The following DCC variants were observed in gnomAD, a reference collection of about 807,000 sequenced individuals.
DCC encodes DCC netrin 1 receptor, also known as netrin receptor DCC.
Under a neutral mutation model 172.5 loss-of-function variants are expected in DCC, and 58 were observed. The observed-to-expected ratio is 0.34, with a 90% CI of 0.27 to 0.42. DCC has a LOEUF of 0.42. Ranked by LOEUF, DCC falls within the 10% of genes least tolerant of loss-of-function variation. The pLI is 1.00. For synonymous variants in DCC, 709 were observed against 644.5 expected, an observed-to-expected ratio of 1.10 and a Z score of -1.52; for missense variants, 1,740 against 1,791.0, an observed-to-expected ratio of 0.97 and a Z score of 0.51.
At chr18:52,478,674 GC>G (rs1989166316) in intron 1 of DCC, among the ~76,000 whole-genome samples, 1 of 152,214 alleles carries the variant, frequency 6.6e-6, no homozygotes, top group Non-Finnish European at 1.5e-5. Context: ...CCATGGGGGA[GC>G]AGACACATAA....
intron 1 of DCC, among the ~76,000 whole-genome samples, chr18:52,683,141 G>A (rs186085188): frequency 2.6e-5 from 4 of 152,130 alleles, no homozygotes; most frequent in East Asian, 1.9e-4. Context: ...TTCTGAACTA[G>A]GAGTAATGAG....
intron 2 of DCC, among the ~76,000 whole-genome samples, chr18:52,848,008 A>G (rs942980544): frequency 1.3e-5 from 2 of 152,158 alleles, no homozygotes; most frequent in Non-Finnish European, 2.9e-5. Flanking sequence ...TGGACATAGT[A>G]AAACCAGGAA....
At chr18:52,396,038 T>A (rs1986214319) in intron 1 of DCC, among the ~76,000 whole-genome samples, 1 of 152,122 alleles carries the variant, frequency 6.6e-6, no homozygotes, top group Non-Finnish European at 1.5e-5. Context: ...GAGGCCAGCT[T>A]TCAGTGTATT....
In DCC at chr18:53,091,317, G is replaced by A. The variant is rs527283638; in HGVS notation, c.1261+25151G>A. ...ATGAAAAGAAATATTTACTTTGACC[G>A]TTCTACCAAATATATATATATATAA... On this transcript the variant is annotated intron_variant, in intron 7 of 28. Coordinates refer to ENST00000442544, the MANE Select transcript of DCC (RefSeq NM_005215.4). 5.4e-5 allele frequency among the ~76,000 whole-genome samples: 8 copies of A among 147,470 alleles called. No homozygotes were observed. The South Asian group carries it at 6.3e-4, about 12-fold the overall frequency.
rs149073444 is a variant in DCC at position 52,837,153 on chromosome 18, T to A, written c.413-68891T>A. 1.7e-4 allele frequency among the ~76,000 whole-genome samples: 26 copies of A among 152,258 alleles called. No homozygotes were observed. The East Asian group carries it at 4.3e-3, about 25-fold the overall frequency. On this transcript the variant is annotated intron_variant, in intron 2 of 28. Transcript: ENST00000442544. Reference sequence around the variant, plus strand: ...TGCACACAGCAGGAGGGGCTCTGGGTTGGGCCCTTGAAACCATATTTTCCT... The same window carrying A: ...TGCACACAGCAGGAGGGGCTCTGGGATGGGCCCTTGAAACCATATTTTCCT...
chr18:52,928,872 T>C (rs962111175), intron 5 of DCC, among the ~76,000 whole-genome samples: 3 of 152,160 alleles, frequency 2.0e-5, no homozygotes, highest in Non-Finnish European at 4.4e-5. Flanking sequence ...GTGTCTATAT[T>C]GGCAGGATGT....
chr18:52,732,379 C>T (rs1012660734), intron 1 of DCC, among the ~76,000 whole-genome samples: 4 of 152,090 alleles, frequency 2.6e-5, no homozygotes, highest in African/African-American at 9.7e-5. Flanking sequence ...GTGTCTTATC[C>T]ACGATTTATT....
intron 22 of DCC, among the ~76,000 whole-genome samples, chr18:53,440,131 T>C (rs1020045246): frequency 1.3e-5 from 2 of 152,214 alleles, no homozygotes; most frequent in Non-Finnish European, 2.9e-5. Flanking sequence ...GAAAAATTCT[T>C]CAATATCTGG....
intron 15 of DCC, among the ~76,000 whole-genome samples, chr18:53,345,077 C>T (rs979903475): frequency 4.0e-5 from 6 of 151,680 alleles, no homozygotes; most frequent in Non-Finnish European, 7.4e-5. Context: ...ATAAACATAG[C>T]TGTGTCCTAA....
chr18:52,969,171 T>A (rs2040982387), intron 5 of DCC, among the ~76,000 whole-genome samples: 1 of 152,198 alleles, frequency 6.6e-6, no homozygotes, highest in African/African-American at 2.4e-5. Flanking sequence ...TTTTTACTGC[T>A]ATTCACCTAT....
intron 1 of DCC, among the ~76,000 whole-genome samples, chr18:52,347,625 A>T (rs906779428): frequency 5.2e-4 from 79 of 152,154 alleles, no homozygotes; most frequent in African/African-American, 1.9e-3. Context: ...ATGTTAAGAC[A>T]TAGGGGACTA....
chr18:52,694,976 T>C (rs2035989164), intron 1 of DCC, among the ~76,000 whole-genome samples: 1 of 152,184 alleles, frequency 6.6e-6, no homozygotes, highest in African/African-American at 2.4e-5. Flanking sequence ...TGACACCTTC[T>C]GGGGGAATCA....
chr18:53,027,938 A>G (rs756912745), intron 5 of DCC, among the ~76,000 whole-genome samples: 26 of 152,142 alleles, frequency 1.7e-4, no homozygotes, highest in Non-Finnish European at 3.5e-4. Flanking sequence ...AGAGCAAAGA[A>G]GTGAAGGCAG....
intron 1 of DCC, among the ~76,000 whole-genome samples, chr18:52,544,455 T>TTTC (rs375809690): frequency 0.57 from 86,283 of 150,412 alleles, 25,011 homozygotes; most frequent in South Asian, 0.67. Flanking sequence ...TTCTTTCTTT[T>TTTC]TTTTTTTTGT....
intron 8 of DCC, among the ~76,000 whole-genome samples, chr18:53,171,609 T>C (rs2055014791): frequency 6.6e-6 from 1 of 152,200 alleles, no homozygotes; most frequent in Admixed American, 6.6e-5. Context: ...TCCAACATCC[T>C]CTTGTATATG....
chr18:52,649,531 G>C (rs1423164948), intron 1 of DCC, among the ~76,000 whole-genome samples: 1 of 151,862 alleles, frequency 6.6e-6, no homozygotes, highest in Non-Finnish European at 1.5e-5. Context: ...CCCAAATAAT[G>C]TACATTGTAC....
At chr18:52,392,417 A>G (rs1435987165) in intron 1 of DCC, among the ~76,000 whole-genome samples, 1 of 152,148 alleles carries the variant, frequency 6.6e-6, no homozygotes, top group African/African-American at 2.4e-5. Context: ...GGATGACTGC[A>G]CATAAGCTGT....
intron 5 of DCC, among the ~76,000 whole-genome samples, chr18:52,955,318 C>G (rs545168582): frequency 1.3e-5 from 2 of 151,980 alleles, no homozygotes; most frequent in Non-Finnish European, 2.9e-5. Context: ...CAGTATGTAG[C>G]CTTTTAAAAT....
intron 2 of DCC, among the ~76,000 whole-genome samples, chr18:52,775,388 A>G (rs1156783296): frequency 6.6e-6 from 1 of 152,214 alleles, no homozygotes; most frequent in Admixed American, 6.5e-5. Flanking sequence ...AAGCAGCTCA[A>G]GTAGACTCTC....
Sources: gnomAD v4.1 joint callset for allele counts (sites outside exome capture counted in the v4.1 genomes callset) on GRCh38, gnomAD v4.1.1 for gene constraint, MANE v1.5 for transcripts, NCBI Gene and HGNC (gene_info 2026-07-23, HGNC 2026-07-21) for gene names.